FLRT2: variants seen among roughly 807,000 people sequenced by gnomAD.
The protein encoded by FLRT2 is fibronectin leucine rich transmembrane protein 2.
FLRT2 carries 15 observed loss-of-function variants against 40.0 expected under a neutral mutation model. That is an observed-to-expected ratio of 0.38 (90% CI 0.25 to 0.58). FLRT2 has a LOEUF of 0.58. Ranked by LOEUF, FLRT2 falls within the 20% of genes least tolerant of loss-of-function variation. The pLI is 0.71. For missense variants in FLRT2, 726 were observed against 840.0 expected (o/e 0.86, Z 1.68); for synonymous variants, 380 against 336.8 (o/e 1.13, Z -1.41).
intron 1 of FLRT2, among the ~76,000 whole-genome samples, chr14:85,583,120 T>C (rs975082382): frequency 2.0e-5 from 3 of 152,128 alleles, no homozygotes; most frequent in Non-Finnish European, 4.4e-5. Flanking sequence ...CAGAAAATCG[T>C]TGAAAGATAA....
At chr14:85,532,191 G>C (rs1392874263) in intron 1 of FLRT2, among the ~76,000 whole-genome samples, 1 of 152,172 alleles carries the variant, frequency 6.6e-6, no homozygotes, top group Admixed American at 6.5e-5. Flanking sequence ...AGAGTTGAGC[G>C]GATCCCTGGG....
chr14:85,557,252 GTT>G (rs34327470), intron 1 of FLRT2, among the ~76,000 whole-genome samples: 11 of 147,804 alleles, frequency 7.4e-5, no homozygotes, highest in African/African-American at 2.7e-4. Flanking sequence ...AATTTCCAGT[GTT>G]TTTTTTTTTC....
In FLRT2 at chr14:85,641,456, A is replaced by C. The variant is rs1894147315; in HGVS notation, c.*17959A>C. On this transcript the variant is annotated 3_prime_UTR_variant, in exon 2 of 2. Coordinates refer to ENST00000330753, the MANE Select transcript of FLRT2 (RefSeq NM_013231.6). ...GAGGCCATCAGGCACGGTGCCCATA[A>C]TCAGTGTTTTAGTGTCTGGTCACTA... is the stretch of plus-strand genomic sequence containing the variant. 6.6e-6 allele frequency: 1 copy of C among 152,210 alleles called. No individual in the cohort carries two copies. Among genetic ancestry groups the C allele is most frequent in the Non-Finnish European group, 1.5e-5 (1 of 68,050 alleles). The allele number at this position is 152,210 out of a possible 1,614,324, so 9.4% of individuals were successfully genotyped here.
rs1383271701 is a variant in FLRT2, at chr14:85,650,118, T to A, written c.*26621T>A. ...TCACCTGTCACACTATCCTCTTTGCTTTGTCAAATACTTACTACGTTCATA... is the reference window on the plus strand; with the variant it reads ...TCACCTGTCACACTATCCTCTTTGCATTGTCAAATACTTACTACGTTCATA... On this transcript the variant is annotated 3_prime_UTR_variant, in exon 2 of 2. Coordinates refer to ENST00000330753, the MANE Select transcript of FLRT2 (RefSeq NM_013231.6). 1 of 152,062 alleles carries A rather than the reference T, an allele frequency of 6.6e-6. No individual in the cohort carries two copies. Among genetic ancestry groups the A allele is most frequent in the Non-Finnish European group, 1.5e-5 (1 of 67,964 alleles). The allele number at this position is 152,062 out of a possible 1,614,324, so 9.4% of individuals were successfully genotyped here.
chr14:85,539,033 T>G (rs1488710165), intron 1 of FLRT2, among the ~76,000 whole-genome samples: 1 of 151,954 alleles, frequency 6.6e-6, no homozygotes, highest in East Asian at 1.9e-4. Context: ...AGGTAAGAGG[T>G]TTGTTTGCGT....
chr14:85,600,715 G>T (rs112485811), intron 1 of FLRT2, among the ~76,000 whole-genome samples: 3,467 of 152,264 alleles, frequency 0.023, 138 homozygotes, highest in African/African-American at 0.08. Flanking sequence ...AGGAACCAGG[G>T]AGTAAGAAAT....
chr14:85,582,002 A>G (rs371091418), intron 1 of FLRT2, among the ~76,000 whole-genome samples: 1 of 152,172 alleles, frequency 6.6e-6, no homozygotes, highest in African/African-American at 2.4e-5. Flanking sequence ...GCAGTTTGGT[A>G]TTAACTTTTA....
At chr14:85,609,568 C>T (rs2139348795) in intron 1 of FLRT2, among the ~76,000 whole-genome samples, 1 of 152,304 alleles carries the variant, frequency 6.6e-6, no homozygotes, top group East Asian at 1.9e-4. Flanking sequence ...CCCTGAATAC[C>T]TAGTTTCTGC....
In FLRT2 at chr14:85,639,853, T is replaced by TTA. The variant is rs1894109169; in HGVS notation, c.*16357_*16358insAT. ...AATTCTTTATTTTTTTTTTTTTCCT[T>TTA]TTTTTTTTTTTTTGAGACAGTGTCT... On this transcript the variant is annotated 3_prime_UTR_variant, in exon 2 of 2. Coordinates refer to ENST00000330753, the MANE Select transcript of FLRT2 (RefSeq NM_013231.6). 7.1e-6 allele frequency: 1 copy of TTA among 141,012 alleles called. No homozygotes were observed. The highest frequency in any genetic ancestry group is 2.7e-5 in the African/African-American group (1 of 37,334). The allele number at this position is 141,012 out of a possible 1,614,324, so 8.7% of individuals were successfully genotyped here.
chr14:85,609,321 A>G (rs1336002047), intron 1 of FLRT2, among the ~76,000 whole-genome samples: 1 of 152,062 alleles, frequency 6.6e-6, no homozygotes, highest in East Asian at 1.9e-4. Context: ...CCCTGATAGG[A>G]GGGGTGTTGG....
At chr14:85,583,734 G>A (rs2139879290) in intron 1 of FLRT2, among the ~76,000 whole-genome samples, 1 of 152,274 alleles carries the variant, frequency 6.6e-6, no homozygotes, top group East Asian at 1.9e-4. Context: ...GCCCTAGAAA[G>A]AGCAGAGGCA....
intron 1 of FLRT2, among the ~76,000 whole-genome samples, chr14:85,594,313 G>C (rs1892034951): frequency 6.6e-6 from 1 of 152,166 alleles, no homozygotes; most frequent in African/African-American, 2.4e-5. Flanking sequence ...TGATCAGTAT[G>C]GCTGGGAAGG....
intron 1 of FLRT2, among the ~76,000 whole-genome samples, chr14:85,552,319 A>G (rs759387747): frequency 6.6e-6 from 1 of 152,134 alleles, no homozygotes; most frequent in African/African-American, 2.4e-5. Flanking sequence ...AACCTATATA[A>G]TCCTCACTTT....
At chr14:85,558,025 A>G (rs550853251) in intron 1 of FLRT2, among the ~76,000 whole-genome samples, 11 of 152,270 alleles carry the variant, frequency 7.2e-5, no homozygotes, top group African/African-American at 2.2e-4. Context: ...AAGCATCCAT[A>G]GACTTCCGTA....
In FLRT2 at chr14:85,652,364, T is replaced by A. The variant is rs997796394; in HGVS notation, c.*28867T>A. On this transcript the variant is annotated 3_prime_UTR_variant, in exon 2 of 2. Coordinates refer to ENST00000330753, the MANE Select transcript of FLRT2 (RefSeq NM_013231.6). ...AAGACTTCTATTTCTTATGACATGC[T>A]TCCTTTTCATTGAGGAATACCCAAG... The A allele has an allele frequency of 2.0e-5, 3 of 152,116 alleles. No individual in the cohort carries two copies. Among genetic ancestry groups the A allele is most frequent in the African/African-American group, 7.2e-5 (3 of 41,444 alleles). 9.4% of individuals were successfully genotyped at this position (152,116 alleles called of 1,614,324 possible).
At chr14:85,588,356 A>G (rs1204576842) in intron 1 of FLRT2, among the ~76,000 whole-genome samples, 1 of 151,946 alleles carries the variant, frequency 6.6e-6, no homozygotes, top group Non-Finnish European at 1.5e-5. Context: ...ACCCTCATCT[A>G]CCCTTCAAGG....
Position 85,561,473 on chromosome 14 carries a change from T to G in FLRT2, c.-377+30939T>G, listed in dbSNP as rs184669463. 5.3e-3 allele frequency among the ~76,000 whole-genome samples: 807 copies of G among 152,360 alleles called. 1 individual carries two copies. The highest frequency in any genetic ancestry group is 7.9e-3 in the Non-Finnish European group (538 of 68,036). On this transcript the variant is annotated intron_variant, in intron 1 of 1. Transcript: ENST00000330753. Reference sequence around the variant, plus strand: ...AATTTTATTCTGCATTTCTTTGCCCTCATTTTCAAAGAGACTGACTACTGG... The same window carrying G: ...AATTTTATTCTGCATTTCTTTGCCCGCATTTTCAAAGAGACTGACTACTGG...
At position 85,586,585 on chromosome 14, in the gene FLRT2, A is replaced by T. The variant is rs541002594; in HGVS notation, c.-376-34554A>T. On this transcript the variant is annotated intron_variant, in intron 1 of 1. Transcript: ENST00000330753. The stretch of plus-strand genomic sequence containing the variant: ...GAATACTTACAATTGATGCTTTATA[A>T]TCGTGATAAAACTCACTCATATTTA... Among the ~76,000 whole-genome samples the T allele has an allele frequency of 2.0e-5, 3 of 152,304 alleles. No individual in the cohort carries two copies. In the East Asian group the frequency reaches 5.8e-4, roughly 29 times the overall value.
At chr14:85,590,823 C>A (rs1054437095) in intron 1 of FLRT2, among the ~76,000 whole-genome samples, 8 of 152,130 alleles carry the variant, frequency 5.3e-5, no homozygotes, top group Non-Finnish European at 1.2e-4. Flanking sequence ...GCCTCAAACT[C>A]CTGACCTCAG....
Sources: allele counts gnomAD v4.1 joint callset (sites outside exome capture counted in the v4.1 genomes callset), GRCh38; gene constraint gnomAD v4.1.1; transcripts MANE v1.5; gene names NCBI Gene and HGNC (gene_info 2026-07-23, HGNC 2026-07-21).